The following PRKCE variants were observed in gnomAD, a reference collection of about 807,000 sequenced individuals.
PRKCE encodes the protein protein kinase C epsilon.
In PRKCE, 16 loss-of-function variants were observed where a neutral mutation model predicts 85.4. The observed-to-expected ratio is 0.19, with a 90% CI of 0.13 to 0.28. The LOEUF is 0.28. PRKCE is among the 10% of genes least tolerant of loss of function. PRKCE has a pLI of 1.00. For synonymous variants in PRKCE, 388 were observed against 371.5 expected, an observed-to-expected ratio of 1.04 and a Z score of -0.51; for missense variants, 573 against 975.2, an observed-to-expected ratio of 0.59 and a Z score of 5.49.
chr2:46,090,156 A>G (rs1868272), intron 11 of PRKCE, among the ~76,000 whole-genome samples: 92,126 of 152,074 alleles, frequency 0.61, 30,088 homozygotes, highest in Non-Finnish European at 0.75. Context: ...TTGCCATAAT[A>G]ATCATAAACA....
At chr2:45,977,377 C>T (rs1265923881) in intron 3 of PRKCE, among the ~76,000 whole-genome samples, 1 of 151,936 alleles carries the variant, frequency 6.6e-6, no homozygotes. Flanking sequence ...TGGCTGATGT[C>T]TATAATCCCA....
intron 6 of PRKCE, among the ~76,000 whole-genome samples, chr2:45,988,784 G>A (rs941588798): frequency 6.6e-6 from 1 of 152,220 alleles, no homozygotes; most frequent in Non-Finnish European, 1.5e-5. Context: ...TCCAGGAGCA[G>A]CATCGCTAGT....
chr2:45,990,816 C>A (rs572361438), intron 6 of PRKCE, among the ~76,000 whole-genome samples: 5 of 151,860 alleles, frequency 3.3e-5, no homozygotes, highest in African/African-American at 9.7e-5. Context: ...TGCATGCCAC[C>A]ACACTAGGCT....
chr2:46,081,668 G>A (rs1669091747), intron 10 of PRKCE, among the ~76,000 whole-genome samples: 1 of 152,226 alleles, frequency 6.6e-6, no homozygotes, highest in African/African-American at 2.4e-5. Flanking sequence ...AGAAAGAACA[G>A]TGTGAGTAAA....
chr2:45,763,631 C>G (rs1387550456), intron 1 of PRKCE, among the ~76,000 whole-genome samples: 1 of 151,968 alleles, frequency 6.6e-6, no homozygotes, highest in East Asian at 1.9e-4. Flanking sequence ...TGCAATCTCC[C>G]TTGGTATAAC....
chr2:46,104,221 A>C (rs941445318), intron 11 of PRKCE, among the ~76,000 whole-genome samples: 2 of 151,086 alleles, frequency 1.3e-5, no homozygotes, highest in African/African-American at 4.9e-5. Context: ...TAACCTTCTG[A>C]TAATTCTTCT....
At chr2:46,171,538 G>T (rs1032815714) in intron 14 of PRKCE, among the ~76,000 whole-genome samples, 1 of 152,208 alleles carries the variant, frequency 6.6e-6, no homozygotes, top group African/African-American at 2.4e-5. Context: ...CATGCCAGGG[G>T]CACAGCCTCG....
intron 11 of PRKCE, among the ~76,000 whole-genome samples, chr2:46,122,803 C>T (rs1673433500): frequency 6.7e-6 from 1 of 149,558 alleles, no homozygotes; most frequent in Admixed American, 6.7e-5. Context: ...CAAGTTTTAA[C>T]ATGAAGCAAA....
intron 2 of PRKCE, among the ~76,000 whole-genome samples, chr2:45,883,730 C>T (rs1272335218): frequency 5.9e-5 from 9 of 152,188 alleles, no homozygotes; most frequent in Admixed American, 2.6e-4. Flanking sequence ...TTGTCCTCCC[C>T]GCCTGTCATG....
intron 11 of PRKCE, among the ~76,000 whole-genome samples, chr2:46,116,527 G>A (rs1437718184): frequency 6.6e-6 from 1 of 152,192 alleles, no homozygotes; most frequent in Non-Finnish European, 1.5e-5. Flanking sequence ...AAATCAGAAG[G>A]CTGGGTTACC....
chr2:45,996,496 A>G (rs1704229124), intron 6 of PRKCE, among the ~76,000 whole-genome samples: 1 of 152,154 alleles, frequency 6.6e-6, no homozygotes, highest in African/African-American at 2.4e-5. Context: ...TATTAAGTTG[A>G]GGAAATTCTC....
At chr2:45,801,535 G>A (rs1038791414) in intron 1 of PRKCE, among the ~76,000 whole-genome samples, 3 of 152,076 alleles carry the variant, frequency 2.0e-5, no homozygotes, top group East Asian at 1.9e-4. Context: ...GGGAGGAGGC[G>A]GGAATGCTGC....
chr2:45,936,781 A>G (rs1237429055), intron 2 of PRKCE, among the ~76,000 whole-genome samples: 1 of 152,106 alleles, frequency 6.6e-6, no homozygotes. Flanking sequence ...GGACCCAAAG[A>G]TTTTCCACTG....
Position 46,001,686 on chromosome 2 carries a change from A to T in PRKCE, c.966+140A>T. 1 of 1,005,820 alleles carries T rather than the reference A, an allele frequency of 9.9e-7. No homozygotes were observed. The highest frequency in any genetic ancestry group is 1.3e-6 in the Non-Finnish European group (1 of 753,546). The allele number at this position is 1,005,820 out of a possible 1,614,324, so 62.3% of individuals were successfully genotyped here. ...ACTCAGAACTGCAGTACTTAAAGAA[A>T]AAAACAAAGATAGAAGCCAGGCAGG... is the stretch of plus-strand genomic sequence containing the variant. On this transcript the variant is annotated intron_variant, in intron 7 of 14. Transcript: ENST00000306156. This position sits in a 1 kb window ranked among gnomAD's most constrained non-coding sequence, Gnocchi z 4.4.
chr2:45,764,880 G>A (rs1684788945), intron 1 of PRKCE, among the ~76,000 whole-genome samples: 1 of 152,114 alleles, frequency 6.6e-6, no homozygotes, highest in Admixed American at 6.5e-5. Context: ...CTTTATTCTT[G>A]TTCTTATGTC....
chr2:46,036,346 G>T (rs762008966), intron 10 of PRKCE, among the ~76,000 whole-genome samples: 1 of 152,198 alleles, frequency 6.6e-6, no homozygotes, highest in African/African-American at 2.4e-5. Flanking sequence ...GGAGGCTGAG[G>T]CAGGAGGATT....
intron 10 of PRKCE, among the ~76,000 whole-genome samples, chr2:46,056,601 T>C (rs1356995233): frequency 6.6e-6 from 1 of 152,220 alleles, no homozygotes; most frequent in Non-Finnish European, 1.5e-5. Context: ...TTAGATCTTT[T>C]CCTCTTGAAT....
At chr2:45,817,717 A>T (rs1375526539) in intron 1 of PRKCE, among the ~76,000 whole-genome samples, 1 of 152,018 alleles carries the variant, frequency 6.6e-6, no homozygotes, top group Non-Finnish European at 1.5e-5. Flanking sequence ...AAAACTTTCC[A>T]ATCCTGAGAT....
intron 2 of PRKCE, among the ~76,000 whole-genome samples, chr2:45,921,621 A>G (rs961156796): frequency 3.9e-5 from 6 of 152,226 alleles, no homozygotes; most frequent in African/African-American, 1.4e-4. Flanking sequence ...CAGGGTGACC[A>G]GAGCTCCAAG....
Sources: gnomAD v4.1 joint callset for allele counts (sites outside exome capture counted in the v4.1 genomes callset) on GRCh38, gnomAD v4.1.1 for gene constraint, Gnocchi (gnomAD v3.1) non-coding constraint, MANE v1.5 for transcripts, NCBI Gene and HGNC (gene_info 2026-07-23, HGNC 2026-07-21) for gene names.